The following XKR6 variants were observed in gnomAD, a reference collection of about 807,000 sequenced individuals.
The protein encoded by XKR6 is XK-related protein 6.
Under a neutral mutation model 56.7 loss-of-function variants are expected in XKR6, and 22 were observed. The ratio of observed to expected loss-of-function variants is 0.39; its 90% CI spans 0.28 to 0.55. The LOEUF (loss-of-function observed/expected upper bound fraction) is 0.55, where lower values mean the gene tolerates loss of function less well. Ranked by LOEUF, XKR6 falls within the 20% of genes least tolerant of loss-of-function variation. The pLI is 0.66. For missense variants in XKR6, 852 were observed against 889.0 expected (o/e 0.96, Z 0.53); for synonymous variants, 524 against 387.8 (o/e 1.35, Z -4.13).
chr8:11,188,716 C>A (rs973127124), intron 1 of XKR6, among the ~76,000 whole-genome samples: 5 of 152,242 alleles, frequency 3.3e-5, no homozygotes, highest in Non-Finnish European at 7.4e-5. Context: ...AACAAAATGA[C>A]AGATTTGGAG....
At chr8:11,071,653 C>G (rs1800126681) in intron 1 of XKR6, among the ~76,000 whole-genome samples, 1 of 149,664 alleles carries the variant, frequency 6.7e-6, no homozygotes, top group Non-Finnish European at 1.5e-5. Flanking sequence ...GTCCATGAGC[C>G]CCGAGTCTAT....
At chr8:10,909,769 T>C (rs1001011840) in intron 2 of XKR6, among the ~76,000 whole-genome samples, 23 of 152,190 alleles carry the variant, frequency 1.5e-4, no homozygotes, top group African/African-American at 5.5e-4. Context: ...GGAATTCACA[T>C]TTACTGAATG....
chr8:10,908,985 C>T (rs973667543), intron 2 of XKR6, among the ~76,000 whole-genome samples: 1 of 152,092 alleles, frequency 6.6e-6, no homozygotes, highest in African/African-American at 2.4e-5. Context: ...GCCAACATGG[C>T]GAAACCGCAT....
Position 11,108,160 on chromosome 8 carries a change from G to A in XKR6, c.764+92416C>T, listed in dbSNP as rs576304688. On this transcript the variant is annotated intron_variant, in intron 1 of 2. Transcript: ENST00000416569. ...GAAACACATTTCTAATCAGATAATCGGGTGCATCTGTTCTGTTAAATGTCC... is the reference window on the plus strand; with the variant it reads ...GAAACACATTTCTAATCAGATAATCAGGTGCATCTGTTCTGTTAAATGTCC... The A allele has an allele frequency of 4.4e-5, 17 of 387,172 alleles. No individual in the cohort carries two copies. In the East Asian group the frequency reaches 7.5e-4, roughly 17 times the overall value. The allele number at this position is 387,172 out of a possible 1,614,324, so 24.0% of individuals were successfully genotyped here.
At position 11,142,122 on chromosome 8, in the gene XKR6, C is replaced by G. The variant is rs543685402; in HGVS notation, c.764+58454G>C. On this transcript the variant is annotated intron_variant, in intron 1 of 2. Transcript: ENST00000416569. ...ACTCAAGATGTTTTATTTTTATACA[C>G]ACACATACATTTCAGCCCTCTCTAC... is the stretch of plus-strand genomic sequence containing the variant. 3.3e-5 allele frequency among the ~76,000 whole-genome samples: 5 copies of G among 151,824 alleles called. No homozygotes were observed. In the East Asian group the frequency reaches 7.7e-4, roughly 24 times the overall value.
At chr8:11,088,168 T>C (rs983317065) in intron 1 of XKR6, among the ~76,000 whole-genome samples, 1 of 152,216 alleles carries the variant, frequency 6.6e-6, no homozygotes, top group African/African-American at 2.4e-5. Flanking sequence ...CTTGTAACAC[T>C]GTGATATCAG....
chr8:10,902,624 C>G (rs1454580169), intron 2 of XKR6, among the ~76,000 whole-genome samples: 7 of 152,218 alleles, frequency 4.6e-5, no homozygotes, highest in Non-Finnish European at 7.3e-5. Flanking sequence ...TTCTGGTGCC[C>G]AGCCATTGGC....
intron 1 of XKR6, among the ~76,000 whole-genome samples, chr8:11,040,004 G>T (rs1050998271): frequency 3.9e-5 from 6 of 152,156 alleles, no homozygotes; most frequent in Non-Finnish European, 8.8e-5. Context: ...TCCAGCAATT[G>T]CTCACTTTCC....
At chr8:11,041,586 G>A (rs1172706045) in intron 1 of XKR6, among the ~76,000 whole-genome samples, 1 of 151,914 alleles carries the variant, frequency 6.6e-6, no homozygotes, top group East Asian at 1.9e-4. Flanking sequence ...TTAGGTTTTG[G>A]GAATGATGTT....
intron 1 of XKR6, among the ~76,000 whole-genome samples, chr8:11,130,337 T>A (rs1442378857): frequency 1.3e-5 from 2 of 152,154 alleles, no homozygotes; most frequent in Non-Finnish European, 2.9e-5. Flanking sequence ...TTTTTACGTT[T>A]TCCAAAGCAC....
In XKR6 at chr8:11,014,667, A is replaced by T. The variant is rs79778102; in HGVS notation, c.765-89837T>A. Among the ~76,000 whole-genome samples, 4 of 152,310 alleles carry T rather than the reference A, an allele frequency of 2.6e-5. No homozygotes were observed. In the East Asian group the frequency reaches 7.7e-4, roughly 29 times the overall value. On this transcript the variant is annotated intron_variant, in intron 1 of 2. Transcript: ENST00000416569. ...AGGTCCCATGATTGAGGATCACTCA[A>T]CACAGATATGGGGCAAAGCCTTTGC...
intron 1 of XKR6, among the ~76,000 whole-genome samples, chr8:11,151,243 A>C (rs139818289): frequency 2.6e-5 from 4 of 152,326 alleles, no homozygotes; most frequent in African/African-American, 9.6e-5. Context: ...CAACCTTGAA[A>C]TTATTTAATT....
At chr8:10,977,767 G>A (rs1243070768) in intron 1 of XKR6, among the ~76,000 whole-genome samples, 2 of 151,446 alleles carry the variant, frequency 1.3e-5, no homozygotes, top group African/African-American at 4.9e-5. Flanking sequence ...GAAGGTTACT[G>A]GACCACTGTC....
chr8:11,030,985 T>G (rs1253342864), intron 1 of XKR6, among the ~76,000 whole-genome samples: 2 of 152,312 alleles, frequency 1.3e-5, no homozygotes, highest in Non-Finnish European at 2.9e-5. Flanking sequence ...GTGGCACAGC[T>G]AGTAAAAGGC....
intron 1 of XKR6, among the ~76,000 whole-genome samples, chr8:11,140,141 GAA>G (rs1800616519): frequency 1.3e-5 from 2 of 149,610 alleles, no homozygotes; most frequent in South Asian, 2.1e-4. Flanking sequence ...AAAAAAAAAA[GAA>G]GAGATAAAAA....
intron 1 of XKR6, among the ~76,000 whole-genome samples, chr8:10,983,628 A>G (rs1288906606): frequency 1.3e-5 from 2 of 151,886 alleles, no homozygotes; most frequent in African/African-American, 4.9e-5. Flanking sequence ...GTTCAAGACT[A>G]TAGAAAAAGA....
At chr8:11,082,237 T>C (rs1203225042) in intron 1 of XKR6, among the ~76,000 whole-genome samples, 1 of 152,222 alleles carries the variant, frequency 6.6e-6, no homozygotes, top group African/African-American at 2.4e-5. Flanking sequence ...CCAGCTCCAC[T>C]CTTTACCATC....
chr8:11,084,710 T>A (rs1797829741), intron 1 of XKR6, among the ~76,000 whole-genome samples: 1 of 152,184 alleles, frequency 6.6e-6, no homozygotes, highest in South Asian at 2.1e-4. Context: ...ATTTTTTCCC[T>A]TCTAGAAAGA....
chr8:10,928,424 G>T (rs1018057180), intron 1 of XKR6, among the ~76,000 whole-genome samples: 1 of 152,240 alleles, frequency 6.6e-6, no homozygotes, highest in Non-Finnish European at 1.5e-5. Context: ...CAGATGGGTG[G>T]GGTGGGAGGA....
Sources: allele counts gnomAD v4.1 joint callset (sites outside exome capture counted in the v4.1 genomes callset), GRCh38; gene constraint gnomAD v4.1.1; transcripts MANE v1.5; gene names NCBI Gene and HGNC (gene_info 2026-07-23, HGNC 2026-07-21).